Variants in WNT4 observed in about 807,000 individuals in gnomAD.
WNT4 encodes the protein protein Wnt-4.
In WNT4, 16 loss-of-function variants were observed where a neutral mutation model predicts 34.5. The ratio of observed to expected loss-of-function variants is 0.46; its 90% CI spans 0.31 to 0.70. WNT4 has a LOEUF of 0.70. Among genes scored for constraint, WNT4 ranks in the 30% least tolerant of loss-of-function variants. WNT4 has a pLI of 0.04. For missense variants in WNT4, 379 were observed against 495.9 expected, an observed-to-expected ratio of 0.76 and a Z score of 2.24; for synonymous variants, 200 against 211.9, an observed-to-expected ratio of 0.94 and a Z score of 0.49.
Position 22,129,743 on chromosome 1 carries a change from T to C in WNT4, c.186A>G (p.Glu62=). 1 of 1,613,924 alleles carries C rather than the reference T, an allele frequency of 6.2e-7. No homozygotes were observed. Among genetic ancestry groups the C allele is most frequent in the Admixed American group, 1.7e-5 (1 of 60,006 alleles). Residue 62 remains glutamate, a synonymous_variant, in exon 2 of 5, where the codon GAA becomes GAG. Transcript: ENST00000290167. ...CACCGCGGCGCACCGAGTCCATGAC[T>C]TCCAGGTTCCGCTTGCACATCTGCA... ...RQVQMCKRNL[E]VMDSVRRGAQ... is the part of the protein sequence containing the mutation.
rs1255169104 is a variant in WNT4 at position 22,120,527 on chromosome 1, A to G, written c.589-10T>C. ...TGTGTGTCAGGATGGCCTGTGGGAG[A>G]GGGTGGGGGAGAGGGGCCATCAGGA... On this transcript the variant is annotated splice_polypyrimidine_tract_variant and intron_variant, in intron 4 of 4. Coordinates refer to ENST00000290167, the MANE Select transcript of WNT4 (RefSeq NM_030761.5). 1 of 1,601,722 alleles carries G rather than the reference A, an allele frequency of 6.2e-7. No homozygotes were observed. The highest frequency in any genetic ancestry group is 8.5e-7 in the Non-Finnish European group (1 of 1,174,476).
chr1:22,133,283 C>T (rs1645997456), intron 1 of WNT4, among the ~76,000 whole-genome samples: 1 of 152,094 alleles, frequency 6.6e-6, no homozygotes. Context: ...CTGCTTCCCT[C>T]CTGGCAGAGT....
In WNT4 at chr1:22,118,605, C is replaced by T. The variant is rs1645866802; in HGVS notation, c.*1445G>A. The T allele has an allele frequency of 1.3e-5, 2 of 152,342 alleles. No individual in the cohort carries two copies. The highest frequency in any genetic ancestry group is 1.3e-4 in the Admixed American group (2 of 15,272). 9.4% of individuals were successfully genotyped at this position (152,342 alleles called of 1,614,324 possible). A position where few individuals can be genotyped will look rare whatever the true frequency, so the allele number is the denominator to read the frequency against. On this transcript the variant is annotated 3_prime_UTR_variant, in exon 5 of 5. Transcript: ENST00000290167. ...GAGGGGTGCACCACACTGCTGAGAC[C>T]TCACTGTCAGCCTTCCAGCTGTTCA...
rs1421101518 is a variant in WNT4 at position 22,117,610 on chromosome 1, G to C, written c.*2440C>G. 1 of 152,366 alleles carries C rather than the reference G, an allele frequency of 6.6e-6. No individual in the cohort carries two copies. Among genetic ancestry groups the C allele is most frequent in the African/African-American group, 2.4e-5 (1 of 41,488 alleles). 9.4% of individuals were successfully genotyped at this position (152,366 alleles called of 1,614,324 possible). ...CCTGGGACAGTTTGGAGCTGGGCAT[G>C]TCCAAAGAAGCTCCTTTTCCTGTGG... On this transcript the variant is annotated 3_prime_UTR_variant, in exon 5 of 5. Transcript: ENST00000290167.
In WNT4 at chr1:22,120,071, C is replaced by T; in HGVS notation, c.1035G>A (p.Val345=). The change falls in exon 5 of 5, where the codon GTG becomes GTA. Residue 345 remains valine (V), a synonymous_variant. Transcript: ENST00000290167. ...FVKCRQCQRL[V]ELHTCR Reference sequence around the variant, plus strand: ...GCGGTCATCGGCACGTGTGCAACTCCACGAGCCGCTGGCACTGCCGGCACT... The same window carrying T: ...GCGGTCATCGGCACGTGTGCAACTCTACGAGCCGCTGGCACTGCCGGCACT... 2.5e-6 allele frequency: 4 copies of T among 1,609,294 alleles called. No individual in the cohort carries two copies. The highest frequency in any genetic ancestry group is 3.4e-6 in the Non-Finnish European group (4 of 1,179,606).
Position 22,143,000 on chromosome 1 carries a change from C to T in WNT4, c.-78G>A. 4.9e-6 allele frequency: 4 copies of T among 823,616 alleles called. No homozygotes were observed. The highest frequency in any genetic ancestry group is 5.8e-6 in the Non-Finnish European group (4 of 686,108). 51.0% of individuals were successfully genotyped at this position (823,616 alleles called of 1,614,324 possible). On this transcript the variant is annotated 5_prime_UTR_variant, in exon 1 of 5. Transcript: ENST00000290167. This position sits in a 1 kb window ranked among gnomAD's most constrained non-coding sequence, Gnocchi z 6.0. ...TCCCGTCGGGGCTGCAGGTGGGCGC[C>T]CGCGGGCGGGCCGGGGCGCGCGCGG...
rs1436794502 is a variant in WNT4 at position 22,140,698 on chromosome 1, G to A, written c.77+2148C>T. Among the ~76,000 whole-genome samples the A allele has an allele frequency of 6.6e-6, 1 of 152,230 alleles. No homozygotes were observed. The highest frequency in any genetic ancestry group is 1.5e-5 in the Non-Finnish European group (1 of 68,048). On this transcript the variant is annotated intron_variant, in intron 1 of 4. Coordinates refer to ENST00000290167, the MANE Select transcript of WNT4 (RefSeq NM_030761.5). This position sits in a 1 kb window ranked among gnomAD's most constrained non-coding sequence, Gnocchi z 5.9. ...GTGTCTTCTCCTTCATAGCCTCTCT[G>A]GTTTGGGAGGGTCCTGGGAAGCCTC...
chr1:22,126,281 C>T (rs923294643), intron 2 of WNT4, among the ~76,000 whole-genome samples: 2 of 152,160 alleles, frequency 1.3e-5, no homozygotes, highest in Admixed American at 6.5e-5. Context: ...GTGGGAGAGC[C>T]CCCCCAGCCC....
At chr1:22,129,960 C>G (rs2124119229) in intron 1 of WNT4, 109 bp from the exon 2 acceptor site, 1 of 1,282,496 alleles carries the variant, frequency 7.8e-7, no homozygotes, top group South Asian at 1.2e-5. Context: ...GTCCCAGTGA[C>G]TGGGCCTGGC....
intron 4 of WNT4, among the ~76,000 whole-genome samples, chr1:22,120,956 A>G (rs1645892785): frequency 6.6e-6 from 1 of 151,992 alleles, no homozygotes; most frequent in Admixed American, 6.5e-5. Flanking sequence ...TGTGAGAGAC[A>G]GGGATGGACA....
rs1232719636 is a variant in WNT4, at chr1:22,119,175, TGTGTGTGTGTCC to T, written c.*863_*874del. On this transcript the variant is annotated 3_prime_UTR_variant, in exon 5 of 5. Transcript: ENST00000290167. Reference sequence around the variant, plus strand: ...CTTTCCTCCCTCTCTCTCGCAGGTGTGTGTGTGTGTCCGTGTGTGTGTGTGTGTGTGTGTGTG... The same window carrying T: ...CTTTCCTCCCTCTCTCTCGCAGGTGTGTGTGTGTGTGTGTGTGTGTGTGTG... 38 of 140,878 alleles carry T rather than the reference TGTGTGTGTGTCC, an allele frequency of 2.7e-4. No individual in the cohort carries two copies. The highest frequency in any genetic ancestry group is 9.8e-4 in the African/African-American group (35 of 35,726). 8.7% of individuals were successfully genotyped at this position (140,878 alleles called of 1,614,324 possible).
chr1:22,135,610 C>T (rs1646015951), intron 1 of WNT4, among the ~76,000 whole-genome samples: 1 of 152,100 alleles, frequency 6.6e-6, no homozygotes. Context: ...TACGGGACTG[C>T]CTGGACAGTA....
chr1:22,138,304 G>A (rs1268115363), intron 1 of WNT4, among the ~76,000 whole-genome samples: 1 of 152,188 alleles, frequency 6.6e-6, no homozygotes, highest in African/African-American at 2.4e-5. Flanking sequence ...TCCTCTGAAA[G>A]TGGTTGTGGT....
intron 2 of WNT4, among the ~76,000 whole-genome samples, chr1:22,125,486 G>A (rs752514357): frequency 2.6e-4 from 40 of 152,176 alleles, no homozygotes; most frequent in Non-Finnish European, 4.3e-4. Context: ...CAAGACCACA[G>A]AGCATTTGCT....
chr1:22,118,230 C>T lies in WNT4; in HGVS notation c.*1820G>A, dbSNP rs557902760. 19 of 152,328 alleles carry T rather than the reference C, an allele frequency of 1.2e-4. No individual in the cohort carries two copies. The highest frequency in any genetic ancestry group is 3.4e-4 in the African/African-American group (14 of 41,560). 9.4% of individuals were successfully genotyped at this position (152,328 alleles called of 1,614,324 possible). On this transcript the variant is annotated 3_prime_UTR_variant, in exon 5 of 5. Transcript: ENST00000290167. ...AGGCTGGAGCCCATATTCCGAATCT[C>T]GGACGTTGAATTCAGCCACTGAACA...
chr1:22,125,706 A>G (rs1645935184), intron 2 of WNT4, among the ~76,000 whole-genome samples: 1 of 152,136 alleles, frequency 6.6e-6, no homozygotes, highest in Admixed American at 6.5e-5. Flanking sequence ...TCGCAGAACG[A>G]GACACGGTAG....
intron 4 of WNT4, among the ~76,000 whole-genome samples, chr1:22,120,824 C>T (rs902380202): frequency 5.9e-5 from 9 of 152,106 alleles, no homozygotes; most frequent in East Asian, 1.9e-4. Context: ...TTAACCTCCA[C>T]GGGAACCTTG....
At position 22,139,306 on chromosome 1, in the gene WNT4, G is replaced by A. The variant is rs374237035; in HGVS notation, c.77+3540C>T. Among the ~76,000 whole-genome samples, 10 of 152,324 alleles carry A rather than the reference G, an allele frequency of 6.6e-5. No homozygotes were observed. The South Asian group carries it at 2.1e-3, about 32-fold the overall frequency. On this transcript the variant is annotated intron_variant, in intron 1 of 4. Transcript: ENST00000290167. This position sits in a 1 kb window ranked among gnomAD's most constrained non-coding sequence, Gnocchi z 4.6. The stretch of plus-strand genomic sequence containing the variant: ...AGCGTGCCTGGCCCAGTGCCAGCTT[G>A]CCACACGCATGGGCTCGCTCTTTCT...
In WNT4 at chr1:22,142,730, G is replaced by T; in HGVS notation, c.77+116C>A. On this transcript the variant is annotated intron_variant, in intron 1 of 4. Coordinates refer to ENST00000290167, the MANE Select transcript of WNT4 (RefSeq NM_030761.5). This position sits in a 1 kb window ranked among gnomAD's most constrained non-coding sequence, Gnocchi z 6.0. ...GAGCGAGCGAGCCTCCGGTCCCGCG[G>T]CCGAGACACCTGCCGGGCTGCCCCG... 1.4e-6 allele frequency: 1 copy of T among 721,108 alleles called. No homozygotes were observed. The highest frequency in any genetic ancestry group is 1.7e-6 in the Non-Finnish European group (1 of 589,464). The allele number at this position is 721,108 out of a possible 1,614,324, so 44.7% of individuals were successfully genotyped here.
Sources: allele counts gnomAD v4.1 joint callset (sites outside exome capture counted in the v4.1 genomes callset), GRCh38; gene constraint gnomAD v4.1.1; non-coding constraint Gnocchi (gnomAD v3.1); transcripts MANE v1.5; gene names NCBI Gene and HGNC (gene_info 2026-07-23, HGNC 2026-07-21).